The following SBNO1 variants were observed in gnomAD, a reference collection of about 807,000 sequenced individuals.
The protein encoded by SBNO1 is protein strawberry notch homolog 1.
Under a neutral mutation model 173.6 loss-of-function variants are expected in SBNO1, and 23 were observed. The observed-to-expected ratio is 0.13, with a 90% CI of 0.10 to 0.19. SBNO1 has a LOEUF of 0.19. SBNO1 is among the 10% of genes least tolerant of loss of function. The pLI, the probability that SBNO1 is intolerant of heterozygous loss-of-function variation, is 1.00. For missense variants in SBNO1, 1,238 were observed against 1,671.2 expected, an observed-to-expected ratio of 0.74 and a Z score of 4.52; for synonymous variants, 632 against 571.5, an observed-to-expected ratio of 1.11 and a Z score of -1.51.
At position 123,304,701 on chromosome 12, in the gene SBNO1, T is replaced by G; in HGVS notation, c.3649A>C (p.Thr1217Pro). ...LSLQIRNNKK[T>P]AILVKEVNPK... Reference sequence around the variant, plus strand: ...TTCACTTCTTTAACTAAGATGGCAGTTTTCTTGTTGTTCCTTATCTGTTTA... The same window carrying G: ...TTCACTTCTTTAACTAAGATGGCAGGTTTCTTGTTGTTCCTTATCTGTTTA... Residue 1217 changes from threonine to proline, a missense_variant, in exon 29 of 32, where the codon ACT (threonine) becomes CCT (proline). This residue lies in a region of SBNO1 where 351 missense variants were observed against 420.3 expected (regional missense o/e 0.84). Transcript: ENST00000602398. The G allele has an allele frequency of 6.5e-7, 1 of 1,533,940 alleles. No homozygotes were observed. Among genetic ancestry groups the G allele is most frequent in the South Asian group, 1.2e-5 (1 of 86,910 alleles).
Position 123,364,820 on chromosome 12 carries a change from A to G in SBNO1, c.-120T>C. The G allele has an allele frequency of 1.0e-6, 1 of 972,876 alleles. No homozygotes were observed. Among genetic ancestry groups the G allele is most frequent in the Non-Finnish European group, 1.2e-6 (1 of 819,590 alleles). 60.3% of individuals were successfully genotyped at this position (972,876 alleles called of 1,614,324 possible). On this transcript the variant is annotated 5_prime_UTR_variant, in exon 1 of 32. An upstream open reading frame in the 5' UTR loses its in-frame stop. Transcript: ENST00000602398. ...GCAGCAGCGGCGTCCTGCTCTGCCT[A>G]CCTCCCCGCCGCCATCTTGACGCCC...
intron 30 of SBNO1, among the ~76,000 whole-genome samples, chr12:123,301,192 G>A (rs1004122861): frequency 5.3e-5 from 8 of 151,956 alleles, no homozygotes; most frequent in East Asian, 3.9e-4. Flanking sequence ...ATTTTTAGTA[G>A]AGACGTGGTT....
intron 6 of SBNO1, among the ~76,000 whole-genome samples, chr12:123,335,528 T>C (rs1566043568): frequency 6.6e-6 from 1 of 152,202 alleles, no homozygotes; most frequent in Admixed American, 6.5e-5. Flanking sequence ...CCCCAAAATG[T>C]ACAACATGAA....
chr12:123,327,982 C>T lies in SBNO1; in HGVS notation c.1342G>A (p.Gly448Ser). 2 of 1,612,956 alleles carry T rather than the reference C, an allele frequency of 1.2e-6. No homozygotes were observed. The highest frequency in any genetic ancestry group is 1.7e-6 in the Non-Finnish European group (2 of 1,179,336). Residue 448 changes from glycine (G) to serine (S), a missense_variant, in exon 11 of 32, where the codon GGT becomes AGT. Transcript: ENST00000602398. ...CHKAKNLCPV[G>S]SSKPTKTGLA... ...CCTGTCTTGGTTGGCTTTGAAGAAC[C>T]AACAGGACATAAGTTTTTGGCTTTA...
intron 1 of SBNO1, among the ~76,000 whole-genome samples, chr12:123,360,475 C>G (rs1875013089): frequency 6.6e-6 from 1 of 151,962 alleles, no homozygotes; most frequent in East Asian, 2.0e-4. Flanking sequence ...GACAGAGTCT[C>G]GCTGTGTCGC....
At chr12:123,312,584 C>T (rs1444706909) in intron 24 of SBNO1, among the ~76,000 whole-genome samples, 1 of 151,796 alleles carries the variant, frequency 6.6e-6, no homozygotes, top group Non-Finnish European at 1.5e-5. Context: ...TGGTGGCGGG[C>T]ACCTGTAATC....
chr12:123,342,689 C>T (rs1872700850), intron 4 of SBNO1, among the ~76,000 whole-genome samples: 1 of 152,146 alleles, frequency 6.6e-6, no homozygotes, highest in Non-Finnish European at 1.5e-5. Context: ...ATCTCAGAAT[C>T]CACTTATCAA....
chr12:123,321,920 T>C (rs1188024734), intron 16 of SBNO1, among the ~76,000 whole-genome samples, 188 bp from the exon 17 acceptor site: 1 of 152,188 alleles, frequency 6.6e-6, no homozygotes, highest in East Asian at 1.9e-4. Flanking sequence ...AATAAGGTTA[T>C]AAACATTTAT....
At chr12:123,336,198 C>A (rs188850268) in intron 6 of SBNO1, among the ~76,000 whole-genome samples, 197 bp downstream of exon 6, 13 of 152,156 alleles carry the variant, frequency 8.5e-5, no homozygotes, top group African/African-American at 3.1e-4. Context: ...TATATCTTTA[C>A]AATTACCTTT....
At chr12:123,344,092 AG>A (rs1336809591) in intron 4 of SBNO1, among the ~76,000 whole-genome samples, 2 of 152,178 alleles carry the variant, frequency 1.3e-5, no homozygotes, top group Non-Finnish European at 2.9e-5. Flanking sequence ...TGCTGATGTG[AG>A]GAGTACAATG....
intron 24 of SBNO1, among the ~76,000 whole-genome samples, chr12:123,313,104 G>C (rs554332850): frequency 6.6e-6 from 1 of 151,834 alleles, no homozygotes; most frequent in Admixed American, 6.6e-5. Context: ...TCAGGAGGCT[G>C]AGGCAGGAGA....
chr12:123,311,146 A>G lies in SBNO1; in HGVS notation c.3221-17T>C. 1 of 1,588,362 alleles carries G rather than the reference A, an allele frequency of 6.3e-7. No homozygotes were observed. The highest frequency in any genetic ancestry group is 1.7e-4 in the Middle Eastern group (1 of 5,996). ...GTCGAACATCTGTAAGAACAGGATC[A>G]ATTCTGACTCATAAATTACAAGGGA... On this transcript the variant is annotated splice_polypyrimidine_tract_variant and intron_variant, in intron 24 of 31. Transcript: ENST00000602398.
intron 4 of SBNO1, among the ~76,000 whole-genome samples, chr12:123,341,794 C>T (rs148701653): frequency 6.2e-4 from 94 of 151,890 alleles, no homozygotes; most frequent in Middle Eastern, 3.4e-3. Context: ...TCCCAAAGTG[C>T]TGGGATTACA....
chr12:123,304,904 A>T (rs1289997010), intron 28 of SBNO1, among the ~76,000 whole-genome samples, 185 bp from the exon 29 acceptor site: 3 of 152,228 alleles, frequency 2.0e-5, no homozygotes, highest in Non-Finnish European at 4.4e-5. Flanking sequence ...AGAGGCAGTT[A>T]TTGGACCTTA....
rs756759132 is a variant in SBNO1 at position 123,345,287 on chromosome 12, T to A, written c.521A>T (p.Asn174Ile). Reference protein sequence around the residue: ...NELMKLKPPANIAQPVATAAT... With the variant: ...NELMKLKPPAIIAQPVATAAT... ...TGCTGTTGCTACTGGCTGAGCAATA[T>A]TAGCAGGTGGCTTTAGTTTCATCAG... The change falls in exon 4 of 32, where the codon AAT (asparagine) becomes ATT (isoleucine). Residue 174 changes from asparagine (N) to isoleucine (I), a missense_variant. Physicochemically the swap from Asn to Ile is moderately radical, Grantham distance 149. Coordinates refer to ENST00000602398, the MANE Select transcript of SBNO1 (RefSeq NM_001167856.3). 6.2e-7 allele frequency: 1 copy of A among 1,614,116 alleles called. No homozygotes were observed. Among genetic ancestry groups the A allele is most frequent in the South Asian group, 1.1e-5 (1 of 91,084 alleles).
Position 123,309,764 on chromosome 12 carries a change from T to C in SBNO1, c.3388A>G (p.Thr1130Ala). The C allele has an allele frequency of 6.2e-7, 1 of 1,612,774 alleles. No individual in the cohort carries two copies. Among genetic ancestry groups the C allele is most frequent in the Non-Finnish European group, 8.5e-7 (1 of 1,179,324 alleles). The change falls in exon 26 of 32, where the codon ACT (threonine) becomes GCT (alanine). Residue 1130 changes from threonine to alanine, a missense_variant. By Grantham distance (58) the Thr-to-Ala change is moderately conservative (BLOSUM62 0). Coordinates refer to ENST00000602398, the MANE Select transcript of SBNO1 (RefSeq NM_001167856.3). ...TTTTTGGCATTTTGAACAACTGCAG[T>C]AAGTGTGTCCGCAAAATACTGAAAT... ...ALFQYFADTLTAVVQNAKKNG... is the reference protein window; with the variant it reads ...ALFQYFADTLAAVVQNAKKNG...
chr12:123,347,648 C>T (rs1223764408), intron 3 of SBNO1, among the ~76,000 whole-genome samples: 1 of 152,118 alleles, frequency 6.6e-6, no homozygotes, highest in Non-Finnish European at 1.5e-5. Flanking sequence ...CCTGCCTCAG[C>T]CTCCCAAGTA....
intron 1 of SBNO1, chr12:123,363,933 A>C: frequency 1.0e-6 from 1 of 985,448 alleles, no homozygotes; most frequent in Non-Finnish European, 1.2e-6. Flanking sequence ...ACCGACCCCA[A>C]ACCACTTCTG....
At chr12:123,326,995 T>A (rs1487817429) in intron 13 of SBNO1, among the ~76,000 whole-genome samples, 1 of 151,858 alleles carries the variant, frequency 6.6e-6, no homozygotes, top group Non-Finnish European at 1.5e-5. Flanking sequence ...CATCTGTTTG[T>A]TTTTGTTTTT....
Sources: allele counts gnomAD v4.1 joint callset (sites outside exome capture counted in the v4.1 genomes callset), GRCh38; gene constraint gnomAD v4.1.1; regional missense constraint gnomAD v4.1.1; transcripts MANE v1.5; gene names NCBI Gene and HGNC (gene_info 2026-07-23, HGNC 2026-07-21).